Variants in CLPTM1 observed in about 807,000 individuals in gnomAD.
CLPTM1 encodes CLPTM1 regulator of GABA type A receptor forward trafficking, also known as putative lipid scramblase CLPTM1.
Under a neutral mutation model 77.3 loss-of-function variants are expected in CLPTM1, and 21 were observed. The ratio of observed to expected loss-of-function variants is 0.27; its 90% CI spans 0.19 to 0.39. The LOEUF is 0.39. CLPTM1 is among the 10% of genes least tolerant of loss of function. The probability of loss-of-function intolerance (pLI) is 1.00; values close to 1 mark genes in which losing one functional copy is unlikely to be tolerated. For synonymous variants in CLPTM1, 373 were observed against 381.0 expected, an observed-to-expected ratio of 0.98 and a Z score of 0.24; for missense variants, 642 against 921.2, an observed-to-expected ratio of 0.70 and a Z score of 3.92.
rs1369298772 is a variant in CLPTM1, at chr19:44,990,666, G to GC, written c.1323+86dup. On this transcript the variant is annotated intron_variant, in intron 10 of 13. Coordinates refer to ENST00000337392, the MANE Select transcript of CLPTM1 (RefSeq NM_001294.4). This position sits in a 1 kb window ranked among gnomAD's most constrained non-coding sequence, Gnocchi z 4.8. ...GTGGCCCAGCTGGACCCTGGAGCTG[G>GC]CCCCCGGGGGATTCCCAGCAAGTGC... is the stretch of plus-strand genomic sequence containing the variant. 8.0e-6 allele frequency: 12 copies of GC among 1,497,346 alleles called. No individual in the cohort carries two copies. The East Asian group carries it at 1.4e-4, about 17-fold the overall frequency. 92.8% of individuals were successfully genotyped at this position (1,497,346 alleles called of 1,614,324 possible). A position where few individuals can be genotyped will look rare whatever the true frequency, so the allele number is the denominator to read the frequency against.
chr19:44,963,185 G>C (rs1297300536), intron 2 of CLPTM1, among the ~76,000 whole-genome samples: 1 of 135,304 alleles, frequency 7.4e-6, no homozygotes, highest in Non-Finnish European at 1.6e-5. Context: ...TTCCAGCCTG[G>C]GGACAGAGTG....
intron 1 of CLPTM1, among the ~76,000 whole-genome samples, chr19:44,961,184 TG>T (rs924024729): frequency 1.4e-4 from 21 of 152,352 alleles, no homozygotes; most frequent in African/African-American, 4.3e-4. Context: ...GTCATAGTTT[TG>T]GCCTCAGGAT....
chr19:44,956,922 C>G (rs1275175617), intron 1 of CLPTM1, among the ~76,000 whole-genome samples: 2 of 152,204 alleles, frequency 1.3e-5, no homozygotes, highest in African/African-American at 4.8e-5. Flanking sequence ...GAGCTCGGCA[C>G]TATCAACATT....
At chr19:44,978,825 A>G (rs1300635784) in intron 5 of CLPTM1, among the ~76,000 whole-genome samples, 2 of 147,702 alleles carry the variant, frequency 1.4e-5, no homozygotes, top group Non-Finnish European at 3.0e-5. Flanking sequence ...GGGAGTGGGG[A>G]GTACTAGAGT....
At chr19:44,974,409 C>T (rs1415064532) in intron 3 of CLPTM1, 30 bp from the exon 4 acceptor site, 13 of 1,597,586 alleles carry the variant, frequency 8.1e-6, no homozygotes, top group Non-Finnish European at 1.1e-5. Flanking sequence ...AAGAGCAGGC[C>T]TGAGCTCTGT....
In CLPTM1 at chr19:44,962,062, G is replaced by C; in HGVS notation, c.172G>C (p.Gly58Arg). The change falls in exon 2 of 14, where the codon GGT becomes CGT. Residue 58 changes from glycine (G) to arginine (R), a missense_variant. Gly to Arg is a moderately radical substitution (Grantham distance 125). Transcript: ENST00000337392. ...ACCCAATGCCTGGCAGGTCATCAAA[G>C]GTGTGCTGTTTAGGTGAGCAGACGG... ...PAPNAWQVIKGVLFRIFIIWA... is the reference protein window; with the variant it reads ...PAPNAWQVIKRVLFRIFIIWA... The C allele has an allele frequency of 6.2e-7, 1 of 1,605,118 alleles. No individual in the cohort carries two copies.
chr19:44,968,977 A>C (rs979464844), intron 2 of CLPTM1, among the ~76,000 whole-genome samples: 10 of 152,184 alleles, frequency 6.6e-5, no homozygotes, highest in African/African-American at 2.4e-4. Flanking sequence ...GGCAGAGGCA[A>C]GTTCCTGTGC....
intron 2 of CLPTM1, among the ~76,000 whole-genome samples, chr19:44,964,610 C>T (rs563310950): frequency 6.6e-6 from 1 of 152,164 alleles, no homozygotes; most frequent in East Asian, 1.9e-4. Flanking sequence ...CACGCTTGGC[C>T]CATTTTAACC....
intron 3 of CLPTM1, 35 bp from the exon 4 acceptor site, chr19:44,974,404 C>A (rs141449821): frequency 1.3e-6 from 2 of 1,584,128 alleles, no homozygotes; most frequent in Admixed American, 1.7e-5. Flanking sequence ...CTCTGAAGAG[C>A]AGGCCTGAGC....
intron 5 of CLPTM1, among the ~76,000 whole-genome samples, chr19:44,979,154 A>G (rs897295389): frequency 6.6e-6 from 1 of 151,916 alleles, no homozygotes; most frequent in Non-Finnish European, 1.5e-5. Context: ...TAGTTTTTGT[A>G]TTTTTAGTAG....
At chr19:44,974,219 G>A (rs527273972) in intron 3 of CLPTM1, among the ~76,000 whole-genome samples, 29 of 152,276 alleles carry the variant, frequency 1.9e-4, no homozygotes, top group Admixed American at 4.6e-4. Flanking sequence ...CAGTCTCCAA[G>A]TGTTCTTTGT....
At chr19:44,955,115 A>G, upstream of CLPTM1, 1 of 1,535,770 alleles carries the variant, frequency 6.5e-7, no homozygotes, top group Non-Finnish European at 8.7e-7. Flanking sequence ...CGGAAGGGAC[A>G]GAACTTGCGG....
At chr19:44,988,232 C>T (rs1035743819) in intron 9 of CLPTM1, 59 bp downstream of exon 9, 1 of 1,217,850 alleles carries the variant, frequency 8.2e-7, no homozygotes, top group Non-Finnish European at 1.2e-6. Context: ...CAGGACCTGC[C>T]CCCTTCCTCC....
At chr19:44,967,194 C>T (rs1040955057) in intron 2 of CLPTM1, among the ~76,000 whole-genome samples, 1 of 152,116 alleles carries the variant, frequency 6.6e-6, no homozygotes, top group African/African-American at 2.4e-5. Flanking sequence ...TGGCGCACAC[C>T]TGTAGTGCCA....
intron 3 of CLPTM1, 71 bp from the exon 4 acceptor site, chr19:44,974,368 A>G (rs1284553461): frequency 2.0e-6 from 3 of 1,515,586 alleles, no homozygotes; most frequent in Non-Finnish European, 2.7e-6. Context: ...GACCGCTGCC[A>G]TAGCTCTTTA....
chr19:44,954,915 G>C (rs1465212674), upstream of CLPTM1: 8 of 1,456,846 alleles, frequency 5.5e-6, no homozygotes, highest in Non-Finnish European at 9.2e-7. Flanking sequence ...CAAAAGGCTA[G>C]TTCTTCGAAT....
chr19:44,981,260 G>A (rs1209436148), intron 5 of CLPTM1, among the ~76,000 whole-genome samples: 2 of 152,094 alleles, frequency 1.3e-5, no homozygotes, highest in African/African-American at 4.8e-5. Flanking sequence ...TTCTGCCTCA[G>A]CCTCCCAAGT....
chr19:44,986,704 C>T, intron 7 of CLPTM1, 129 bp downstream of exon 7: 1 of 1,247,536 alleles, frequency 8.0e-7, no homozygotes, highest in Non-Finnish European at 1.1e-6. Context: ...CAAGCTCCCA[C>T]CCTGTCCTAT....
At position 44,990,451 on chromosome 19, in the gene CLPTM1, T is replaced by G. The variant is rs138934999; in HGVS notation, c.1189T>G (p.Phe397Val). 2.2e-4 allele frequency: 357 copies of G among 1,614,122 alleles called. No homozygotes were observed. The highest frequency in any genetic ancestry group is 1.6e-3 in the East Asian group (73 of 44,878). ...GGAGGGCCTGTCCGTGCGCTCCGTC[T>G]TCTTCGGCGTTTTCCAGTCATTCGT... The part of the protein sequence containing the change: ...SLEGLSVRSV[F>V]FGVFQSFVVL... The change falls in exon 10 of 14, where the codon TTC (phenylalanine) becomes GTC (valine). Residue 397 changes from phenylalanine to valine, a missense_variant. This residue lies in a region of CLPTM1 where 521 missense variants were observed against 800.4 expected (regional missense o/e 0.65). Coordinates refer to ENST00000337392, the MANE Select transcript of CLPTM1 (RefSeq NM_001294.4). This position sits in a 1 kb window ranked among gnomAD's most constrained non-coding sequence, Gnocchi z 4.8.
Sources: gnomAD v4.1 joint callset for allele counts (sites outside exome capture counted in the v4.1 genomes callset) on GRCh38, gnomAD v4.1.1 for gene constraint, gnomAD v4.1.1 regional missense constraint, Gnocchi (gnomAD v3.1) non-coding constraint, MANE v1.5 for transcripts, NCBI Gene and HGNC (gene_info 2026-07-23, HGNC 2026-07-21) for gene names.